The following LAS1L variants were observed in gnomAD, a reference collection of about 807,000 sequenced individuals.
LAS1L encodes ribosomal biogenesis protein LAS1L.
In LAS1L, 5 loss-of-function variants were observed where a neutral mutation model predicts 57.3. The ratio of observed to expected loss-of-function variants is 0.09; its 90% CI spans 0.05 to 0.18. The LOEUF is 0.18. LAS1L is among the 10% of genes least tolerant of loss of function. The pLI, the probability that LAS1L is intolerant of heterozygous loss-of-function variation, is 1.00. For synonymous variants in LAS1L, 245 were observed against 231.7 expected (o/e 1.06, Z -0.52); for missense variants, 360 against 568.3 (o/e 0.63, Z 3.73).
intron 12 of LAS1L, 35 bp downstream of exon 12, chrX:65,517,952 A>T (rs955434170): frequency 9.5e-6 from 11 of 1,153,421 alleles, no homozygotes; most frequent in Non-Finnish European, 1.3e-5. Context: ...AGCCAAAGAG[A>T]AAAGAAGTCC....
intron 12 of LAS1L, among the ~76,000 whole-genome samples, chrX:65,515,402 C>T (rs1431282673): frequency 9.1e-6 from 1 of 110,393 alleles, no homozygotes; most frequent in African/African-American, 3.3e-5. Flanking sequence ...ATTCCCAAAG[C>T]ACCTCCCCCT....
At chrX:65,516,865 T>A (rs2068654720) in intron 12 of LAS1L, among the ~76,000 whole-genome samples, 1 of 110,819 alleles carries the variant, frequency 9.0e-6, no homozygotes, top group South Asian at 3.8e-4. Flanking sequence ...ACCCTGTCCA[T>A]ACAAGGACAA....
At chrX:65,532,495 C>G in intron 3 of LAS1L, 66 bp downstream of exon 3, 1 of 808,204 alleles carries the variant, frequency 1.2e-6, no homozygotes, top group South Asian at 2.1e-5. Flanking sequence ...GCCCACAATA[C>G]CCCATGCCCC....
chrX:65,531,839 T>C (rs935790055), intron 3 of LAS1L, among the ~76,000 whole-genome samples: 3 of 111,721 alleles, frequency 2.7e-5, no homozygotes, highest in African/African-American at 9.8e-5. Context: ...GAGAATTGCT[T>C]GAACCTGGGA....
chrX:65,514,443 T>C (rs2068552862), intron 13 of LAS1L, among the ~76,000 whole-genome samples: 1 of 110,140 alleles, frequency 9.1e-6, no homozygotes, highest in Non-Finnish European at 1.9e-5. Context: ...GATGAGAGCA[T>C]CTATTTTTGA....
intron 9 of LAS1L, 143 bp from the exon 10 acceptor site, chrX:65,524,405 C>G: frequency 3.9e-6 from 2 of 513,822 alleles, no homozygotes; most frequent in South Asian, 5.7e-5. Flanking sequence ...CCAAGCCCCC[C>G]ACCAACAACA....
Position 65,514,981 on chromosome X carries a change from G to A in LAS1L, c.1928-8C>T. 8.3e-7 allele frequency: 1 copy of A among 1,203,191 alleles called. No individual in the cohort carries two copies. Among genetic ancestry groups the A allele is most frequent in the Admixed American group, 2.2e-5 (1 of 45,591 alleles). ...TGTCCCATCGCACGTCTTCTGTGGA[G>A]CAAAGGGAAGTGGCAAGACTGGGCT... On this transcript the variant is annotated splice_region_variant and splice_polypyrimidine_tract_variant and intron_variant, in intron 12 of 13. Coordinates refer to ENST00000374811, the MANE Select transcript of LAS1L (RefSeq NM_031206.7).
chrX:65,516,170 C>A (rs1405026140), intron 12 of LAS1L, among the ~76,000 whole-genome samples: 1 of 111,353 alleles, frequency 9.0e-6, no homozygotes, highest in Non-Finnish European at 1.9e-5. Context: ...TTATGTAACC[C>A]AGAGCTCCTC....
Position 65,521,326 on chromosome X carries a change from C to T in LAS1L, c.1448+2234G>A, listed in dbSNP as rs183891030. The stretch of plus-strand genomic sequence containing the variant: ...GAGAGCAGAGCACGGTTCAATTCAA[C>T]GACATTTACTGAGGCCTGTTTGGTG... On this transcript the variant is annotated intron_variant, in intron 11 of 13. Coordinates refer to ENST00000374811, the MANE Select transcript of LAS1L (RefSeq NM_031206.7). 6.2e-5 allele frequency: 46 copies of T among 738,268 alleles called. No homozygotes were observed. In the East Asian group the frequency reaches 1.7e-3, roughly 27 times the overall value. The allele number at this position is 738,268 out of a possible 1,213,427, so 60.8% of individuals were successfully genotyped here.
Position 65,521,384 on chromosome X carries a change from A to C in LAS1L, c.1448+2176T>G, listed in dbSNP as rs753946213. 6.3e-5 allele frequency: 31 copies of C among 490,832 alleles called. No individual in the cohort carries two copies. In the South Asian group the frequency reaches 1.8e-3, roughly 29 times the overall value. 40.5% of individuals were successfully genotyped at this position (490,832 alleles called of 1,213,427 possible). On this transcript the variant is annotated intron_variant, in intron 11 of 13. Coordinates refer to ENST00000374811, the MANE Select transcript of LAS1L (RefSeq NM_031206.7). ...TTGTGTGGTGTGCTAGGGCACGGACAGCTGATGTAGAGTCCTTGCCCTTGA... is the reference window on the plus strand; with the variant it reads ...TTGTGTGGTGTGCTAGGGCACGGACCGCTGATGTAGAGTCCTTGCCCTTGA...
chrX:65,528,809 G>A (rs1490699476), intron 6 of LAS1L, among the ~76,000 whole-genome samples: 1 of 112,210 alleles, frequency 8.9e-6, no homozygotes, highest in Non-Finnish European at 1.9e-5. Flanking sequence ...CTTAATCTGT[G>A]AAAAGGAAGG....
chrX:65,518,447 C>T lies in LAS1L; in HGVS notation c.1467G>A (p.Gly489=), dbSNP rs762159776. Residue 489 remains glycine (G), a synonymous_variant, in exon 12 of 14, where the codon GGG becomes GGA. Coordinates refer to ENST00000374811, the MANE Select transcript of LAS1L (RefSeq NM_031206.7). ...CCTGCTCCTCGTCTGGCAGGCCCTGCCCCATGGCTTTGAAGATGCTGAGCA... is the reference window on the plus strand; with the variant it reads ...CCTGCTCCTCGTCTGGCAGGCCCTGTCCCATGGCTTTGAAGATGCTGAGCA... ...QLLRIIFKAM[G]QGLPDEEQEK... is the part of the protein sequence containing the mutation. The T allele has an allele frequency of 8.3e-7, 1 of 1,201,922 alleles. No homozygotes were observed. Among genetic ancestry groups the T allele is most frequent in the Admixed American group, 2.2e-5 (1 of 45,327 alleles).
chrX:65,521,293 G>C lies in LAS1L; in HGVS notation c.1448+2267C>G, dbSNP rs971203849. 16 of 751,727 alleles carry C rather than the reference G, an allele frequency of 2.1e-5. No individual in the cohort carries two copies. The African/African-American group carries it at 3.7e-4, about 17-fold the overall frequency. The allele number at this position is 751,727 out of a possible 1,213,427, so 62.0% of individuals were successfully genotyped here. A position where few individuals can be genotyped will look rare whatever the true frequency, so the allele number is the denominator to read the frequency against. On this transcript the variant is annotated intron_variant, in intron 11 of 13. Transcript: ENST00000374811. ...AGCTCCCACCAAGGACAGCACTGCT[G>C]GGAATGAGAGAGCAGAGCACGGTTC...
intron 2 of LAS1L, 80 bp from the exon 3 acceptor site, chrX:65,532,710 G>A (rs887281592): frequency 2.9e-6 from 2 of 690,492 alleles, no homozygotes; most frequent in Admixed American, 4.8e-5. Flanking sequence ...CTGAAACCCT[G>A]CATTTCCACT....
Position 65,518,153 on chromosome X carries a change from GTCA to G in LAS1L, c.1758_1760del (p.Asp587del), listed in dbSNP as rs781172468. 26 of 1,198,776 alleles carry G rather than the reference GTCA, an allele frequency of 2.2e-5. No homozygotes were observed. The highest frequency in any genetic ancestry group is 2.8e-5 in the Non-Finnish European group (25 of 884,049). ...CTTCATCCTCCTCTTCCTCCTCTTG[GTCA>G]TCATTTTCTTCCTCCTCCTCTACCT... On this transcript the variant is annotated inframe_deletion, in exon 12 of 14. Transcript: ENST00000374811.
Position 65,534,499 on chromosome X carries a change from T to G in LAS1L, c.217A>C (p.Ile73Leu). ...HKLQRYALNR[I>L]TVWRSRSGNE... ...CCTTACCTGCTCCTCCACACCGTGA[T>G]GCGGTTAAGCGCGTACCGCTGCAAC... Residue 73 changes from isoleucine (I) to leucine (L), a missense_variant, in exon 1 of 14, where the codon ATC (isoleucine) becomes CTC (leucine). Physicochemically the swap from Ile to Leu is conservative, Grantham distance 5 (BLOSUM62 2). Coordinates refer to ENST00000374811, the MANE Select transcript of LAS1L (RefSeq NM_031206.7). 8.3e-6 allele frequency: 10 copies of G among 1,205,978 alleles called. No individual in the cohort carries two copies. The highest frequency in any genetic ancestry group is 1.0e-5 in the Non-Finnish European group (9 of 892,403).
chrX:65,518,654 G>T, intron 11 of LAS1L, 189 bp from the exon 12 acceptor site: 3 of 481,959 alleles, frequency 6.2e-6, no homozygotes, highest in Non-Finnish European at 7.7e-6. Flanking sequence ...TCATCTCTGT[G>T]CCTCACTTCC....
At chrX:65,526,001 C>T (rs1194532565) in intron 7 of LAS1L, among the ~76,000 whole-genome samples, 1 of 110,892 alleles carries the variant, frequency 9.0e-6, no homozygotes, top group Non-Finnish European at 1.9e-5. Context: ...GGTGCTGTTC[C>T]CACAGTATTA....
At position 65,529,841 on chromosome X, in the gene LAS1L, A is replaced by G. The variant is rs2069376178; in HGVS notation, c.552T>C (p.Tyr184=). The change falls in exon 5 of 14, where the codon TAT becomes TAC. Residue 184 remains tyrosine, a synonymous_variant. Coordinates refer to ENST00000374811, the MANE Select transcript of LAS1L (RefSeq NM_031206.7). ...YFVLDWLQKT[Y]WCRQLENSLR... is the part of the protein sequence containing the mutation. ...GGCTGTTCTCCAGTTGGCGGCACCA[A>G]TAGGTCTTCTGGAGCCAATCCAGGA... is the stretch of plus-strand genomic sequence containing the variant. 1 of 1,209,668 alleles carries G rather than the reference A, an allele frequency of 8.3e-7. No individual in the cohort carries two copies. The highest frequency in any genetic ancestry group is 1.1e-6 in the Non-Finnish European group (1 of 895,089).
Sources: gnomAD v4.1 joint callset for allele counts (sites outside exome capture counted in the v4.1 genomes callset) on GRCh38, gnomAD v4.1.1 for gene constraint, MANE v1.5 for transcripts, NCBI Gene and HGNC (gene_info 2026-07-23, HGNC 2026-07-21) for gene names.